Variants in UQCC1 observed in about 807,000 individuals in gnomAD.
UQCC1 encodes the protein bFGF-repressed Zic-binding protein.
Under a neutral mutation model 48.0 loss-of-function variants are expected in UQCC1, and 38 were observed. The ratio of observed to expected loss-of-function variants is 0.79; its 90% CI spans 0.61 to 1.04. The LOEUF (loss-of-function observed/expected upper bound fraction) is 1.04. UQCC1 is among the 50% of genes least tolerant of loss of function. The pLI is 0.00. For synonymous variants in UQCC1, 111 were observed against 129.2 expected (o/e 0.86, Z 0.95); for missense variants, 368 against 381.8 (o/e 0.96, Z 0.30).
At chr20:35,356,984 G>A (rs2061553040) in intron 6 of UQCC1, among the ~76,000 whole-genome samples, 1 of 152,210 alleles carries the variant, frequency 6.6e-6, no homozygotes, top group Admixed American at 6.5e-5. Flanking sequence ...GAGCAATTGA[G>A]GTTCAACAGG....
intron 4 of UQCC1, among the ~76,000 whole-genome samples, chr20:35,378,746 A>C (rs2061832467): frequency 6.6e-6 from 1 of 152,228 alleles, no homozygotes; most frequent in South Asian, 2.1e-4. Context: ...GCCTCTGTTC[A>C]AACAAGACCA....
intron 6 of UQCC1, among the ~76,000 whole-genome samples, chr20:35,356,096 C>T (rs1432302706): frequency 2.0e-5 from 3 of 152,228 alleles, no homozygotes; most frequent in East Asian, 3.9e-4. Flanking sequence ...GCCACGTTGC[C>T]GAGGCTGGTC....
intron 6 of UQCC1, among the ~76,000 whole-genome samples, chr20:35,362,452 G>T (rs1248043376): frequency 6.6e-6 from 1 of 152,174 alleles, no homozygotes; most frequent in Non-Finnish European, 1.5e-5. Flanking sequence ...AGCTTCCCAG[G>T]TTCAAGCGAT....
At chr20:35,307,369 G>C (rs2060941363) in intron 8 of UQCC1, among the ~76,000 whole-genome samples, 1 of 152,224 alleles carries the variant, frequency 6.6e-6, no homozygotes, top group Non-Finnish European at 1.5e-5. Context: ...CAGGATTGCT[G>C]GGGCCACAGA....
intron 1 of UQCC1, among the ~76,000 whole-genome samples, chr20:35,407,451 G>GAA (rs35724563): frequency 3.3e-5 from 5 of 150,354 alleles, no homozygotes; most frequent in Non-Finnish European, 4.4e-5. Context: ...GGCAATAAAA[G>GAA]AAAAAAAAAT....
chr20:35,376,290 A>G (rs1014310054), intron 4 of UQCC1, among the ~76,000 whole-genome samples: 3 of 151,960 alleles, frequency 2.0e-5, no homozygotes, highest in Non-Finnish European at 4.4e-5. Context: ...CCTGGGCGAC[A>G]GAGCCAGACT....
intron 6 of UQCC1, among the ~76,000 whole-genome samples, chr20:35,348,173 C>G (rs6120916): frequency 0.028 from 4,268 of 152,240 alleles, 211 homozygotes; most frequent in African/African-American, 0.097. Flanking sequence ...GAACAAACAC[C>G]TATGGTTAGG....
chr20:35,343,968 G>GA (rs1366841107), intron 7 of UQCC1: 4 of 151,484 alleles, frequency 2.6e-5, no homozygotes, highest in East Asian at 2.0e-4. Context: ...AATCCAAATA[G>GA]AAAAAACGGC....
At chr20:35,338,769 C>T (rs914090177) in intron 7 of UQCC1, among the ~76,000 whole-genome samples, 15 of 142,266 alleles carry the variant, frequency 1.1e-4, no homozygotes, top group African/African-American at 3.7e-4. Context: ...CGCTTGAACC[C>T]GGGAGGTGGA....
chr20:35,385,536 C>T (rs555054271), intron 2 of UQCC1, among the ~76,000 whole-genome samples: 47 of 152,252 alleles, frequency 3.1e-4, no homozygotes, highest in African/African-American at 1.1e-3. Context: ...AGGTCTGGCT[C>T]TATGGCCCAG....
At chr20:35,354,814 G>A (rs1352972560) in intron 6 of UQCC1, among the ~76,000 whole-genome samples, 1 of 152,092 alleles carries the variant, frequency 6.6e-6, no homozygotes, top group African/African-American at 2.4e-5. Context: ...ATAGATTCTT[G>A]GAAACTGTAA....
chr20:35,388,458 TG>T lies in UQCC1; in HGVS notation c.130-4326del, dbSNP rs1390256149. On this transcript the variant is annotated intron_variant, in intron 2 of 9. Coordinates refer to ENST00000374385, the MANE Select transcript of UQCC1 (RefSeq NM_018244.5). ...AGAGATCCAGCTATTCCGGATTTTT[TG>T]TAGAGATAGGGTCTTGCTATGTTAC... Among the ~76,000 whole-genome samples the T allele has an allele frequency of 1.8e-4, 28 of 151,728 alleles. 1 individual carries two copies. The highest frequency in any genetic ancestry group is 6.5e-4 in the African/African-American group (27 of 41,364).
intron 4 of UQCC1, among the ~76,000 whole-genome samples, chr20:35,376,287 G>A (rs2061798863): frequency 6.6e-6 from 1 of 151,634 alleles, no homozygotes; most frequent in Non-Finnish European, 1.5e-5. Flanking sequence ...CAGCCTGGGC[G>A]ACAGAGCCAG....
chr20:35,405,803 G>A (rs776890911), intron 1 of UQCC1, among the ~76,000 whole-genome samples: 9 of 152,180 alleles, frequency 5.9e-5, no homozygotes, highest in Non-Finnish European at 8.8e-5. Flanking sequence ...CGGGAGAATC[G>A]CTTGAACCCG....
chr20:35,304,020 T>TC lies in UQCC1; in HGVS notation c.814dup (p.Glu272GlyfsTer61). On this transcript the variant is annotated frameshift_variant, in exon 10 of 10. Coordinates refer to ENST00000374385, the MANE Select transcript of UQCC1 (RefSeq NM_018244.5). LOFTEE classifies it high-confidence loss of function. ...CTCCACTAGAGGGCGCCAGCTCACC[T>TC]CCCCTGTCAGAAGCAGATCCTCCCC... 1 of 1,613,988 alleles carries TC rather than the reference T, an allele frequency of 6.2e-7. No individual in the cohort carries two copies. Among genetic ancestry groups the TC allele is most frequent in the Non-Finnish European group, 8.5e-7 (1 of 1,179,978 alleles).
At chr20:35,391,393 G>A (rs1432839619) in intron 2 of UQCC1, among the ~76,000 whole-genome samples, 1 of 152,238 alleles carries the variant, frequency 6.6e-6, no homozygotes, top group Admixed American at 6.5e-5. Flanking sequence ...AGGCCCACAG[G>A]GGTGGATCAC....
At chr20:35,334,228 TAACA>T (rs1168546492) in intron 7 of UQCC1, among the ~76,000 whole-genome samples, 4 of 152,124 alleles carry the variant, frequency 2.6e-5, no homozygotes, top group African/African-American at 9.7e-5. Flanking sequence ...GAAGTGTCCT[TAACA>T]AAGAAGGAAG....
At chr20:35,408,822 T>C (rs1284099110) in intron 1 of UQCC1, among the ~76,000 whole-genome samples, 2 of 151,774 alleles carry the variant, frequency 1.3e-5, no homozygotes, top group East Asian at 3.9e-4. Flanking sequence ...GCCACTACAC[T>C]TCAGCACGCA....
At chr20:35,378,805 T>A (rs996080240) in intron 4 of UQCC1, among the ~76,000 whole-genome samples, 5 of 152,202 alleles carry the variant, frequency 3.3e-5, no homozygotes, top group Non-Finnish European at 7.4e-5. Context: ...TCTTGTTAGA[T>A]TCTTATTTTG....
Sources: gnomAD v4.1 joint callset for allele counts (sites outside exome capture counted in the v4.1 genomes callset) on GRCh38, gnomAD v4.1.1 for gene constraint, MANE v1.5 for transcripts, NCBI Gene and HGNC (gene_info 2026-07-23, HGNC 2026-07-21) for gene names.